Variants in NEK10 observed in about 807,000 individuals in gnomAD.
NEK10 encodes the protein NIMA related kinase 10, also known as serine/threonine-protein kinase Nek10.
Under a neutral mutation model 159.8 loss-of-function variants are expected in NEK10, and 122 were observed. The ratio of observed to expected loss-of-function variants is 0.76; its 90% CI spans 0.66 to 0.89. The LOEUF is 0.89. Ranked by LOEUF, NEK10 falls within the 40% of genes least tolerant of loss-of-function variation. The probability of loss-of-function intolerance (pLI) is 0.00; values close to 1 mark genes in which losing one functional copy is unlikely to be tolerated. For missense variants in NEK10, 1,342 were observed against 1,323.1 expected, an observed-to-expected ratio of 1.01 and a Z score of -0.22; for synonymous variants, 466 against 457.1, an observed-to-expected ratio of 1.02 and a Z score of -0.25.
At chr3:27,301,641 GAAT>G (rs2043831763) in intron 13 of NEK10, 52 bp downstream of exon 13, 1 of 1,343,636 alleles carries the variant, frequency 7.4e-7, no homozygotes, top group East Asian at 2.5e-5. Context: ...CTATGATAGT[GAAT>G]AATAATACAA....
chr3:27,233,159 T>C (rs1953492885), intron 23 of NEK10, among the ~76,000 whole-genome samples: 1 of 152,042 alleles, frequency 6.6e-6, no homozygotes, highest in South Asian at 2.1e-4. Context: ...AGGACTAGTA[T>C]CCACAATCTA....
At chr3:27,285,810 C>G (rs1322675777) in intron 20 of NEK10, among the ~76,000 whole-genome samples, 1 of 151,998 alleles carries the variant, frequency 6.6e-6, no homozygotes, top group Non-Finnish European at 1.5e-5. Flanking sequence ...CATTAAGCAG[C>G]CTTATATTTC....
In NEK10 at chr3:27,311,071, T is replaced by G; in HGVS notation, c.569-55A>C. 4 of 1,106,226 alleles carry G rather than the reference T, an allele frequency of 3.6e-6. No individual in the cohort carries two copies. In the South Asian group the frequency reaches 5.0e-5, roughly 14 times the overall value. 68.5% of individuals were successfully genotyped at this position (1,106,226 alleles called of 1,614,324 possible). On this transcript the variant is annotated intron_variant, in intron 8 of 35. Transcript: ENST00000691995. ...CATCCAGAGATTAAAGGGGGAGTACTTCCAGGAGCACAGATCTGCAGTGCA... is the reference window on the plus strand; with the variant it reads ...CATCCAGAGATTAAAGGGGGAGTACGTCCAGGAGCACAGATCTGCAGTGCA...
chr3:27,162,898 G>T (rs1946146681), intron 29 of NEK10, 160 bp from the exon 30 acceptor site: 1 of 431,778 alleles, frequency 2.3e-6, no homozygotes, highest in Non-Finnish European at 3.1e-6. Context: ...TAAATATATT[G>T]CAATAAACAG....
chr3:27,275,382 T>C (rs1334599208), intron 22 of NEK10, among the ~76,000 whole-genome samples: 1 of 152,242 alleles, frequency 6.6e-6, no homozygotes, highest in Non-Finnish European at 1.5e-5. Context: ...GCAACTGTGA[T>C]AACTTGACAA....
intron 5 of NEK10, among the ~76,000 whole-genome samples, chr3:27,335,322 A>G (rs549239527): frequency 6.7e-6 from 1 of 149,542 alleles, no homozygotes; most frequent in South Asian, 2.1e-4. Flanking sequence ...CCTAGGTGAC[A>G]GAGTGAAACT....
intron 23 of NEK10, among the ~76,000 whole-genome samples, chr3:27,242,438 C>T (rs1954657895): frequency 6.6e-6 from 1 of 152,298 alleles, no homozygotes. Context: ...CTGCCCTCTG[C>T]CCCCATTTCA....
intron 31 of NEK10, among the ~76,000 whole-genome samples, chr3:27,139,958 C>A (rs900505818): frequency 1.3e-5 from 2 of 152,150 alleles, no homozygotes; most frequent in Non-Finnish European, 2.9e-5. Flanking sequence ...AGGTATGACA[C>A]CGAACGATAC....
chr3:27,236,988 C>A (rs755472335), intron 23 of NEK10, among the ~76,000 whole-genome samples: 2 of 152,110 alleles, frequency 1.3e-5, no homozygotes, highest in Non-Finnish European at 2.9e-5. Context: ...ATAAGACAGA[C>A]ACTCCCAAAG....
chr3:27,111,721 T>C (rs1442347762), intron 35 of NEK10, among the ~76,000 whole-genome samples: 1 of 152,166 alleles, frequency 6.6e-6, no homozygotes, highest in Non-Finnish European at 1.5e-5. Flanking sequence ...CATTTTATTA[T>C]TAAAAATAAA....
At chr3:27,360,259 C>T (rs2048593529) in intron 1 of NEK10, among the ~76,000 whole-genome samples, 1 of 152,104 alleles carries the variant, frequency 6.6e-6, no homozygotes, top group South Asian at 2.1e-4. Flanking sequence ...GTCTAACACC[C>T]TCCAGGCCCA....
chr3:27,130,307 C>A (rs1208625370), intron 32 of NEK10, among the ~76,000 whole-genome samples: 1 of 152,146 alleles, frequency 6.6e-6, no homozygotes, highest in Non-Finnish European at 1.5e-5. Context: ...ACATCTCCTA[C>A]CACCCTACCA....
chr3:27,278,963 G>C, intron 22 of NEK10: 8 of 978,628 alleles, frequency 8.2e-6, no homozygotes, highest in Non-Finnish European at 9.7e-6. Context: ...CAAATAAATG[G>C]AGAACAAGAC....
At chr3:27,303,216 A>T (rs563242086) in intron 12 of NEK10, among the ~76,000 whole-genome samples, 17 of 152,352 alleles carry the variant, frequency 1.1e-4, no homozygotes, top group African/African-American at 4.1e-4. Context: ...CTGGAAAATG[A>T]TACTTTAGAT....
At chr3:27,240,813 G>A (rs1333928653) in intron 23 of NEK10, among the ~76,000 whole-genome samples, 2 of 151,902 alleles carry the variant, frequency 1.3e-5, no homozygotes, top group Non-Finnish European at 2.9e-5. Context: ...CACCACGCCT[G>A]GCTAATTTTT....
At chr3:27,312,704 A>G (rs966697233) in intron 7 of NEK10, among the ~76,000 whole-genome samples, 1 of 152,214 alleles carries the variant, frequency 6.6e-6, no homozygotes, top group African/African-American at 2.4e-5. Context: ...AATAAGAAAC[A>G]GGCTCAGGGA....
intron 23 of NEK10, among the ~76,000 whole-genome samples, chr3:27,204,673 T>C (rs1349592833): frequency 8.2e-6 from 1 of 122,268 alleles, no homozygotes; most frequent in African/African-American, 2.9e-5. Flanking sequence ...TATTCCATGG[T>C]GTATATGTGC....
intron 23 of NEK10, among the ~76,000 whole-genome samples, chr3:27,214,624 A>T (rs1418209649): frequency 6.6e-6 from 1 of 152,130 alleles, no homozygotes; most frequent in Non-Finnish European, 1.5e-5. Flanking sequence ...GAAAATACAA[A>T]ACAAGAAACA....
chr3:27,143,067 A>G (rs1943941875), intron 30 of NEK10, among the ~76,000 whole-genome samples: 1 of 152,210 alleles, frequency 6.6e-6, no homozygotes. Context: ...TAGCTCTAAA[A>G]TAGAAAACAG....
Sources: allele counts gnomAD v4.1 joint callset (sites outside exome capture counted in the v4.1 genomes callset), GRCh38; gene constraint gnomAD v4.1.1; transcripts MANE v1.5; gene names NCBI Gene and HGNC (gene_info 2026-07-23, HGNC 2026-07-21).